Variants in COL28A1 observed in about 807,000 individuals in gnomAD.
COL28A1 encodes collagen alpha-1(XXVIII) chain.
A neutral mutation model predicts 150.2 loss-of-function variants in COL28A1; 161 were observed. The ratio of observed to expected loss-of-function variants is 1.07; its 90% CI spans 0.94 to 1.22. The LOEUF (loss-of-function observed/expected upper bound fraction) is 1.22, where lower values mean the gene tolerates loss of function less well. Among genes scored for constraint, COL28A1 ranks in the 50% most tolerant of loss-of-function variants. The pLI is 0.00. For missense variants in COL28A1, 1,617 were observed against 1,388.3 expected, an observed-to-expected ratio of 1.16 and a Z score of -2.62; for synonymous variants, 552 against 469.7, an observed-to-expected ratio of 1.18 and a Z score of -2.26.
At chr7:7,392,999 G>A (rs536597296) in intron 27 of COL28A1, among the ~76,000 whole-genome samples, 7 of 152,182 alleles carry the variant, frequency 4.6e-5, no homozygotes, top group South Asian at 4.1e-4. Context: ...ATTCATTCTC[G>A]ATCAGTTTTG....
At chr7:7,399,951 T>C (rs903744338) in intron 27 of COL28A1, among the ~76,000 whole-genome samples, 3 of 152,254 alleles carry the variant, frequency 2.0e-5, no homozygotes, top group Non-Finnish European at 2.9e-5. Context: ...CCACAGCTGC[T>C]ACAATAGCAG....
intron 25 of COL28A1, among the ~76,000 whole-genome samples, chr7:7,421,670 C>T (rs1181846490): frequency 6.6e-6 from 1 of 152,206 alleles, no homozygotes; most frequent in African/African-American, 2.4e-5. Flanking sequence ...TTACTTTCTA[C>T]TTATAAACTC....
intron 27 of COL28A1, among the ~76,000 whole-genome samples, chr7:7,401,575 A>G (rs755992140): frequency 2.6e-4 from 39 of 152,056 alleles, no homozygotes; most frequent in Non-Finnish European, 4.7e-4. Flanking sequence ...TCAGGTCAAA[A>G]ACCTTAGTTA....
intron 33 of COL28A1, among the ~76,000 whole-genome samples, chr7:7,366,969 T>C (rs2008080): frequency 0.62 from 93,888 of 151,530 alleles, 32,917 homozygotes; most frequent in East Asian, 0.86. Context: ...ACTATGTGTG[T>C]GTGTGTGCGC....
intron 27 of COL28A1, chr7:7,417,602 AAG>A (rs1784176212): frequency 2.5e-6 from 1 of 392,578 alleles, no homozygotes; most frequent in African/African-American, 2.4e-5. Flanking sequence ...TCAATTCACA[AAG>A]AGGGGAAAGC....
chr7:7,511,956 T>C (rs1054538668), intron 8 of COL28A1: 10 of 324,798 alleles, frequency 3.1e-5, no homozygotes, highest in Non-Finnish European at 6.1e-5. Flanking sequence ...ATTAATCCAA[T>C]TTTATAGATT....
rs186647359 is a variant in COL28A1, at chr7:7,407,543, C to A, written c.2136+10316G>T. On this transcript the variant is annotated intron_variant, in intron 27 of 34. Coordinates refer to ENST00000399429, the MANE Select transcript of COL28A1 (RefSeq NM_001037763.3). Reference sequence around the variant, plus strand: ...AAATGACAGAGGAAAATCTTTCATGCCCTCAGAGGAAAAACTGTACTTGAA... The same window carrying A: ...AAATGACAGAGGAAAATCTTTCATGACCTCAGAGGAAAAACTGTACTTGAA... Among the ~76,000 whole-genome samples, 206 of 152,044 alleles carry A rather than the reference C, an allele frequency of 1.4e-3. 1 individual carries two copies. In the South Asian group the frequency reaches 0.014, roughly 10 times the overall value.
intron 27 of COL28A1, among the ~76,000 whole-genome samples, chr7:7,405,833 G>A (rs1252983033): frequency 2.0e-5 from 3 of 152,110 alleles, no homozygotes; most frequent in African/African-American, 7.2e-5. Context: ...CAATGATGGA[G>A]TAAGGCTCCT....
intron 27 of COL28A1, among the ~76,000 whole-genome samples, chr7:7,401,530 A>G (rs1489546015): frequency 6.6e-6 from 1 of 152,004 alleles, no homozygotes; most frequent in African/African-American, 2.4e-5. Context: ...AGAGTCTCCC[A>G]TTTCAGAAAA....
chr7:7,534,593 G>A (rs1782544184), intron 1 of COL28A1, among the ~76,000 whole-genome samples: 1 of 152,084 alleles, frequency 6.6e-6, no homozygotes, highest in Non-Finnish European at 1.5e-5. Context: ...ATTCCATTGA[G>A]AACTGAGCAA....
intron 4 of COL28A1, among the ~76,000 whole-genome samples, chr7:7,522,879 A>AT (rs1781812232): frequency 6.7e-6 from 1 of 149,972 alleles, no homozygotes; most frequent in South Asian, 2.1e-4. Context: ...AAGTTTATAA[A>AT]TTTGTGTTGG....
chr7:7,371,782 A>C (rs1208241180), intron 32 of COL28A1, among the ~76,000 whole-genome samples: 1 of 152,220 alleles, frequency 6.6e-6, no homozygotes, highest in Non-Finnish European at 1.5e-5. Context: ...GGATAAACTT[A>C]GCATAGAGAA....
intron 27 of COL28A1, among the ~76,000 whole-genome samples, chr7:7,409,379 T>C (rs577943533): frequency 2.6e-5 from 4 of 152,166 alleles, no homozygotes; most frequent in Non-Finnish European, 5.9e-5. Flanking sequence ...ATATGATGTC[T>C]ACATCTTTAT....
chr7:7,345,685 TTGTTTTTTTACAAGAAGTCAG>T, the COL28A1 span, among the ~76,000 whole-genome samples: 4 of 152,112 alleles, frequency 2.6e-5, no homozygotes, highest in African/African-American at 9.7e-5. Flanking sequence ...CCAGTCTCCA[TTGTTTTTTTACAAGAAGTCAG>T]TTGATAATCA....
chr7:7,362,375 T>G (rs1408592374), intron 33 of COL28A1, among the ~76,000 whole-genome samples: 11 of 152,200 alleles, frequency 7.2e-5, no homozygotes, highest in Admixed American at 7.2e-4. Flanking sequence ...GCATTTTTAT[T>G]TATTTAAATA....
intron 15 of COL28A1, among the ~76,000 whole-genome samples, chr7:7,463,022 A>C (rs1787763110): frequency 6.6e-6 from 1 of 151,978 alleles, no homozygotes; most frequent in African/African-American, 2.4e-5. Flanking sequence ...GCCTCCAAGA[A>C]ATCTGGGATT....
intron 11 of COL28A1, among the ~76,000 whole-genome samples, chr7:7,491,561 C>T (rs1439244334): frequency 6.6e-6 from 1 of 152,218 alleles, no homozygotes; most frequent in African/African-American, 2.4e-5. Context: ...TTACTCAAAG[C>T]CAGAGCATTT....
In COL28A1 at chr7:7,437,415, A is replaced by G; in HGVS notation, c.1770T>C (p.Ile590=). 1 of 1,613,644 alleles carries G rather than the reference A, an allele frequency of 6.2e-7. No homozygotes were observed. The highest frequency in any genetic ancestry group is 8.5e-7 in the Non-Finnish European group (1 of 1,179,870). ...MGPFGMPGTS[I]PGPPGPKGDR... is the part of the protein sequence containing the mutation. The stretch of plus-strand genomic sequence containing the variant: ...ATACCTTTGGCCCAGGTGGTCCAGG[A>G]ATTGATGTTCCAGGCATTCCAAAAG... The change falls in exon 22 of 35, where the codon ATT becomes ATC. Residue 590 remains isoleucine (I), a synonymous_variant. Coordinates refer to ENST00000399429, the MANE Select transcript of COL28A1 (RefSeq NM_001037763.3).
chr7:7,532,883 GA>G lies in COL28A1; in HGVS notation c.-9del. 6.3e-7 allele frequency: 1 copy of G among 1,592,036 alleles called. No homozygotes were observed. Among genetic ancestry groups the G allele is most frequent in the South Asian group, 1.2e-5 (1 of 85,892 alleles). On this transcript the variant is annotated 5_prime_UTR_variant, in exon 2 of 35. Transcript: ENST00000399429. ...AAAATATCTGTTCCACATTATGGTAGATGGTGAAAAATCATCTGTCTTGTAG... is the reference window on the plus strand; with the variant it reads ...AAAATATCTGTTCCACATTATGGTAGTGGTGAAAAATCATCTGTCTTGTAG...
Sources: gnomAD v4.1 joint callset for allele counts (sites outside exome capture counted in the v4.1 genomes callset) on GRCh38, gnomAD v4.1.1 for gene constraint, MANE v1.5 for transcripts, NCBI Gene and HGNC (gene_info 2026-07-23, HGNC 2026-07-21) for gene names.